Variants in ZFAND6 observed in about 807,000 individuals in gnomAD.
ZFAND6 encodes zinc finger AN1-type containing 6, also known as AN1-type zinc finger protein 6.
A neutral mutation model predicts 24.5 loss-of-function variants in ZFAND6; 12 were observed. That is an observed-to-expected ratio of 0.49 (90% CI 0.31 to 0.79). ZFAND6 has a LOEUF of 0.79. ZFAND6 is among the 30% of genes least tolerant of loss of function. The pLI is 0.04. For synonymous variants in ZFAND6, 92 were observed against 81.5 expected (o/e 1.13, Z -0.69); for missense variants, 207 against 245.9 (o/e 0.84, Z 1.06).
At chr15:80,059,013 C>G (rs2036189985), upstream of ZFAND6, among the ~76,000 whole-genome samples, 1 of 152,276 alleles carries the variant, frequency 6.6e-6, no homozygotes, top group African/African-American at 2.4e-5. Context: ...GCTTTTGGAA[C>G]AGGCTGGAAC....
intron 1 of ZFAND6, among the ~76,000 whole-genome samples, chr15:80,083,900 A>G (rs2037835140): frequency 6.6e-6 from 1 of 152,192 alleles, no homozygotes; most frequent in African/African-American, 2.4e-5. Context: ...CCCAGGAGGA[A>G]AAATGGCAGG....
chr15:80,089,890 G>C (rs947141734), intron 1 of ZFAND6, among the ~76,000 whole-genome samples: 1 of 152,206 alleles, frequency 6.6e-6, no homozygotes, highest in East Asian at 1.9e-4. Context: ...TGTGACTCTT[G>C]AGTGCACTAT....
At chr15:80,064,410 A>G (rs116745318) in intron 1 of ZFAND6, among the ~76,000 whole-genome samples, 1,909 of 152,056 alleles carry the variant, frequency 0.013, 34 homozygotes, top group African/African-American at 0.043. Flanking sequence ...GAATCATCAT[A>G]TATTTCTTTA....
chr15:80,085,450 C>CA (rs2037933851), intron 1 of ZFAND6, among the ~76,000 whole-genome samples: 1 of 152,140 alleles, frequency 6.6e-6, no homozygotes. Flanking sequence ...CCTTTGTCTC[C>CA]AGAGCTTTCG....
At position 80,137,621 on chromosome 15, in the gene ZFAND6, A is replaced by C; in HGVS notation, c.620A>C (p.Lys207Thr). The change falls in exon 7 of 7, where the codon AAG becomes ACG. Residue 207 changes from lysine to threonine, a missense_variant. Transcript: ENST00000261749. The stretch of plus-strand genomic sequence containing the variant: ...GTAGTTGTTGGTGAAAAGATCCAAA[A>C]GATTTGAACTCCTGCTGGAATACAA... ...NPVVVGEKIQ[K>T]I The C allele has an allele frequency of 6.3e-7, 1 of 1,580,466 alleles. No homozygotes were observed. The highest frequency in any genetic ancestry group is 8.6e-7 in the Non-Finnish European group (1 of 1,169,276).
intron 1 of ZFAND6, among the ~76,000 whole-genome samples, chr15:80,079,500 G>A (rs1051166549): frequency 2.7e-4 from 41 of 151,492 alleles, no homozygotes; most frequent in African/African-American, 9.7e-4. Flanking sequence ...GATTACAGGC[G>A]TGAGCCACCG....
intron 2 of ZFAND6, among the ~76,000 whole-genome samples, chr15:80,105,170 A>G (rs778133609): frequency 2.0e-4 from 31 of 152,236 alleles, no homozygotes; most frequent in Non-Finnish European, 3.7e-4. Flanking sequence ...CTTTACAGTT[A>G]TAAATATTGA....
At chr15:80,069,259 T>C (rs1332463693) in intron 1 of ZFAND6, among the ~76,000 whole-genome samples, 3 of 152,234 alleles carry the variant, frequency 2.0e-5, no homozygotes, top group Non-Finnish European at 4.4e-5. Context: ...CTTAAAATCT[T>C]AATAGTTGAG....
At chr15:80,059,138 A>G (rs1392047882), upstream of ZFAND6, among the ~76,000 whole-genome samples, 1 of 152,246 alleles carries the variant, frequency 6.6e-6, no homozygotes, top group African/African-American at 2.4e-5. Flanking sequence ...GCTTTCCAGT[A>G]TGCGCCCTGA....
At chr15:80,136,333 C>T (rs568191052) in intron 6 of ZFAND6, among the ~76,000 whole-genome samples, 2 of 151,916 alleles carry the variant, frequency 1.3e-5, no homozygotes, top group East Asian at 1.9e-4. Context: ...GGTGTGGTGG[C>T]GTGCACCTGT....
chr15:80,133,604 C>T (rs1235884470), intron 6 of ZFAND6, among the ~76,000 whole-genome samples: 2 of 152,132 alleles, frequency 1.3e-5, no homozygotes, highest in African/African-American at 4.8e-5. Context: ...TAAGAAAGTT[C>T]CCAAACTATA....
chr15:80,122,964 A>G (rs934500639), intron 5 of ZFAND6, 164 bp downstream of exon 5: 6 of 518,746 alleles, frequency 1.2e-5, no homozygotes, highest in Non-Finnish European at 2.0e-5. Flanking sequence ...CATGTTGGGG[A>G]GCCATTTCAC....
chr15:80,115,085 CTT>C (rs1320995002), intron 2 of ZFAND6: 2 of 152,078 alleles, frequency 1.3e-5, no homozygotes, highest in Middle Eastern at 3.4e-3. Flanking sequence ...GTTACTAAGT[CTT>C]TTTGAGTATC....
At chr15:80,135,693 G>A (rs1349004802) in intron 6 of ZFAND6, among the ~76,000 whole-genome samples, 3 of 152,238 alleles carry the variant, frequency 2.0e-5, no homozygotes, top group East Asian at 3.8e-4. Context: ...CCCAGCACTT[G>A]GGAGGCCAAG....
Position 80,067,135 on chromosome 15 carries a change from G to A in ZFAND6, c.-181+7326G>A, listed in dbSNP as rs181264448. Among the ~76,000 whole-genome samples the A allele has an allele frequency of 1.4e-3, 215 of 152,290 alleles. 1 individual carries two copies. Among genetic ancestry groups the A allele is most frequent in the African/African-American group, 5.0e-3 (207 of 41,566 alleles). ...AAGATTAGAATGACTGGTGTTTACT[G>A]AGGGAGGACAGTGGGACAAGCTTTG... On this transcript the variant is annotated intron_variant, in intron 1 of 6. Coordinates refer to ENST00000261749, the MANE Select transcript of ZFAND6 (RefSeq NM_019006.4).
chr15:80,110,395 A>G (rs2039547756), intron 2 of ZFAND6, among the ~76,000 whole-genome samples: 2 of 152,222 alleles, frequency 1.3e-5, no homozygotes, highest in African/African-American at 4.8e-5. Context: ...ACAGAACACT[A>G]TAAAACATTA....
In ZFAND6 at chr15:80,120,429, A is replaced by T. The variant is rs2040096184; in HGVS notation, c.85A>T (p.Met29Leu). 1.2e-6 allele frequency: 2 copies of T among 1,607,296 alleles called. No individual in the cohort carries two copies. Among genetic ancestry groups the T allele is most frequent in the African/African-American group, 2.7e-5 (2 of 74,870 alleles). Reference protein sequence around the residue: ...GFYGNPRTNGMCSVCYKEHLQ... With the variant: ...GFYGNPRTNGLCSVCYKEHLQ... ...TTATGGAAACCCTCGTACAAATGGCATGTGTTCAGTATGCTATAAAGAACA... is the reference window on the plus strand; with the variant it reads ...TTATGGAAACCCTCGTACAAATGGCTTGTGTTCAGTATGCTATAAAGAACA... The change falls in exon 3 of 7, where the codon ATG (methionine) becomes TTG (leucine). Residue 29 changes from methionine to leucine, a missense_variant. Met to Leu is a conservative substitution (Grantham distance 15). Transcript: ENST00000261749.
At chr15:80,116,347 A>T (rs2039876788) in intron 2 of ZFAND6, among the ~76,000 whole-genome samples, 2 of 152,286 alleles carry the variant, frequency 1.3e-5, no homozygotes, top group South Asian at 2.1e-4. Context: ...TTTGTGTGTG[A>T]GAGTTATATC....
chr15:80,105,687 A>C (rs2039285333), intron 2 of ZFAND6, among the ~76,000 whole-genome samples: 1 of 152,146 alleles, frequency 6.6e-6, no homozygotes, highest in Non-Finnish European at 1.5e-5. Context: ...TTCACAACCA[A>C]CTTGAAGATG....
Sources: gnomAD v4.1 joint callset for allele counts (sites outside exome capture counted in the v4.1 genomes callset) on GRCh38, gnomAD v4.1.1 for gene constraint, MANE v1.5 for transcripts, NCBI Gene and HGNC (gene_info 2026-07-23, HGNC 2026-07-21) for gene names.